The following MICU1 variants were observed in gnomAD, a reference collection of about 807,000 sequenced individuals.
The protein encoded by MICU1 is calcium uptake protein 1, mitochondrial.
A neutral mutation model predicts 56.8 loss-of-function variants in MICU1; 45 were observed. The ratio of observed to expected loss-of-function variants is 0.79; its 90% CI spans 0.62 to 1.02. The LOEUF (loss-of-function observed/expected upper bound fraction) is 1.02, where lower values mean the gene tolerates loss of function less well. Ranked by LOEUF, MICU1 falls within the 50% of genes least tolerant of loss-of-function variation. The probability of loss-of-function intolerance (pLI) is 0.00; values close to 1 mark genes in which losing one functional copy is unlikely to be tolerated. For missense variants in MICU1, 504 were observed against 587.1 expected (o/e 0.86, Z 1.46); for synonymous variants, 186 against 195.1 (o/e 0.95, Z 0.39).
intron 4 of MICU1, among the ~76,000 whole-genome samples, chr10:72,550,579 C>T (rs531196812): frequency 4.4e-4 from 67 of 152,282 alleles, no homozygotes; most frequent in Middle Eastern, 3.4e-3. Flanking sequence ...GGGTTAAGCT[C>T]CTTTGAGACT....
At chr10:72,571,882 CA>C (rs1840619145) in intron 1 of MICU1, among the ~76,000 whole-genome samples, 6 of 151,632 alleles carry the variant, frequency 4.0e-5, no homozygotes, top group Admixed American at 3.3e-4. Flanking sequence ...GGTAAAACCC[CA>C]CCTCTAAAAA....
chr10:72,406,592 T>G (rs985695449), intron 10 of MICU1, among the ~76,000 whole-genome samples: 1 of 151,056 alleles, frequency 6.6e-6, no homozygotes, highest in Non-Finnish European at 1.5e-5. Flanking sequence ...TTCATATATG[T>G]TCATATACTC....
intron 8 of MICU1, among the ~76,000 whole-genome samples, chr10:72,428,766 G>A (rs1255651765): frequency 6.6e-6 from 1 of 152,176 alleles, no homozygotes; most frequent in African/African-American, 2.4e-5. Context: ...ATTAATGCAT[G>A]AATTTATTAC....
intron 4 of MICU1, among the ~76,000 whole-genome samples, chr10:72,536,098 G>T (rs1442852872): frequency 2.0e-5 from 3 of 151,992 alleles, no homozygotes; most frequent in Non-Finnish European, 4.4e-5. Context: ...TTTGTTAAAG[G>T]ATACAAAATT....
At chr10:72,425,952 C>T (rs1864331954) in intron 8 of MICU1, among the ~76,000 whole-genome samples, 1 of 152,158 alleles carries the variant, frequency 6.6e-6, no homozygotes, top group African/African-American at 2.4e-5. Flanking sequence ...CTGCAGGGGT[C>T]AAGTGTATGC....
chr10:72,409,503 C>T (rs1163933140), intron 9 of MICU1, among the ~76,000 whole-genome samples: 4 of 152,148 alleles, frequency 2.6e-5, no homozygotes, highest in African/African-American at 9.7e-5. Flanking sequence ...GCCTAGGCAA[C>T]ATGGTGAAAC....
At chr10:72,619,328 C>G (rs964100159) in intron 1 of MICU1, among the ~76,000 whole-genome samples, 6 of 152,084 alleles carry the variant, frequency 3.9e-5, no homozygotes, top group Non-Finnish European at 7.4e-5. Flanking sequence ...ACCTGTAGTC[C>G]CAGCTACTCG....
intron 8 of MICU1, among the ~76,000 whole-genome samples, chr10:72,443,182 C>A (rs1317985747): frequency 6.6e-6 from 1 of 152,146 alleles, no homozygotes; most frequent in Non-Finnish European, 1.5e-5. Flanking sequence ...TGAGAAGTGT[C>A]TGTTCATGTC....
chr10:72,467,589 G>A (rs1865832305), intron 8 of MICU1, among the ~76,000 whole-genome samples: 1 of 152,092 alleles, frequency 6.6e-6, no homozygotes, highest in Non-Finnish European at 1.5e-5. Context: ...CAAAGTGCTG[G>A]GATTACAGAT....
chr10:72,380,332 G>A (rs1252277787), intron 10 of MICU1, among the ~76,000 whole-genome samples: 1 of 152,164 alleles, frequency 6.6e-6, no homozygotes, highest in South Asian at 2.1e-4. Flanking sequence ...GTTTAAGTGC[G>A]ATTGGGTGAT....
At chr10:72,519,040 T>C (rs1867742213) in intron 5 of MICU1, among the ~76,000 whole-genome samples, 1 of 152,214 alleles carries the variant, frequency 6.6e-6, no homozygotes, top group African/African-American at 2.4e-5. Flanking sequence ...CATTATGTTG[T>C]TTTATGTGGC....
chr10:72,377,086 G>A (rs951082929), intron 10 of MICU1, among the ~76,000 whole-genome samples: 1 of 151,518 alleles, frequency 6.6e-6, no homozygotes, highest in African/African-American at 2.4e-5. Flanking sequence ...ATTGGTATAT[G>A]CACTGGCCCT....
chr10:72,591,235 G>A (rs1433248753), intron 1 of MICU1, among the ~76,000 whole-genome samples: 1 of 152,062 alleles, frequency 6.6e-6, no homozygotes, highest in Admixed American at 6.6e-5. Context: ...GCAGTGCTAA[G>A]GGGGAAATTT....
intron 8 of MICU1, 57 bp downstream of exon 8, chr10:72,475,043 C>T (rs1866070178): frequency 2.7e-6 from 4 of 1,459,600 alleles, no homozygotes; most frequent in East Asian, 2.4e-5. Context: ...ATAGTACAGG[C>T]CCTCCTGCCC....
intron 3 of MICU1, among the ~76,000 whole-genome samples, chr10:72,561,647 C>T (rs1044640605): frequency 6.6e-6 from 1 of 152,076 alleles, no homozygotes; most frequent in African/African-American, 2.4e-5. Context: ...CTCCATCTCT[C>T]CTACAAATAC....
In MICU1 at chr10:72,622,239, A is replaced by T. The variant is rs981973907; in HGVS notation, c.-2+3771T>A. Among the ~76,000 whole-genome samples, 169 of 86,994 alleles carry T rather than the reference A, an allele frequency of 1.9e-3. 1 individual carries two copies. The highest frequency in any genetic ancestry group is 6.8e-3 in the African/African-American group (156 of 22,930). The allele number at this position is 86,994 out of a possible 152,430, so 57.1% of individuals were successfully genotyped here. A position where few individuals can be genotyped will look rare whatever the true frequency, so the allele number is the denominator to read the frequency against. ...CGCCCGGCCCCAAGTTCTCTTAATT[A>T]AAAAAAAAAAAAAAACATGAAAATT... On this transcript the variant is annotated intron_variant, in intron 1 of 11. Transcript: ENST00000361114.
chr10:72,568,747 CTTTTTTTTTTTTTT>C (rs72319510), intron 1 of MICU1, among the ~76,000 whole-genome samples: 2 of 55,548 alleles, frequency 3.6e-5, no homozygotes, highest in Non-Finnish European at 6.6e-5. Flanking sequence ...AGTTCTTATT[CTTTTTTTTTTTTTT>C]TTTTTTTTTG....
chr10:72,621,224 G>A (rs72810193), intron 1 of MICU1, among the ~76,000 whole-genome samples: 3,508 of 152,208 alleles, frequency 0.023, 58 homozygotes, highest in Non-Finnish European at 0.037. Flanking sequence ...TTGGATGGGC[G>A]CAGTGGCTCA....
At position 72,426,940 on chromosome 10, in the gene MICU1, C is replaced by A. The variant is rs118149101; in HGVS notation, c.934-3569G>T. Reference sequence around the variant, plus strand: ...TCATAATGTAGAAAAGTTCTAATTGCATATTTGGAAGAAATTCAAATTACA... The same window carrying A: ...TCATAATGTAGAAAAGTTCTAATTGAATATTTGGAAGAAATTCAAATTACA... On this transcript the variant is annotated intron_variant, in intron 8 of 11. Transcript: ENST00000361114. 7.4e-3 allele frequency among the ~76,000 whole-genome samples: 1,124 copies of A among 152,282 alleles called. 7 individuals are homozygous for A. The highest frequency in any genetic ancestry group is 0.011 in the Non-Finnish European group (730 of 68,024).
Sources: gnomAD v4.1 joint callset for allele counts (sites outside exome capture counted in the v4.1 genomes callset) on GRCh38, gnomAD v4.1.1 for gene constraint, MANE v1.5 for transcripts, NCBI Gene and HGNC (gene_info 2026-07-23, HGNC 2026-07-21) for gene names.